C2orf66: variants seen among roughly 807,000 people sequenced by gnomAD.
The protein encoded by C2orf66 is uncharacterized protein C2orf66.
C2orf66 carries 6 observed loss-of-function variants against 7.0 expected under a neutral mutation model. The ratio of observed to expected loss-of-function variants is 0.86; its 90% CI spans 0.47 to 1.69. The LOEUF (loss-of-function observed/expected upper bound fraction) is 1.69, where lower values mean the gene tolerates loss of function less well. C2orf66 is among the 40% of genes most tolerant of loss of function. The pLI, the probability that C2orf66 is intolerant of heterozygous loss-of-function variation, is 0.01. For synonymous variants in C2orf66, 38 were observed against 43.8 expected, an observed-to-expected ratio of 0.87 and a Z score of 0.52; for missense variants, 107 against 112.0, an observed-to-expected ratio of 0.96 and a Z score of 0.20.
At chr2:196,821,168 G>A in the C2orf66 span, among the ~76,000 whole-genome samples, 1 of 152,326 alleles carries the variant, frequency 6.6e-6, no homozygotes, top group African/African-American at 2.4e-5. Flanking sequence ...GCCAACAGAA[G>A]CTGGAAGAGG....
the C2orf66 span, among the ~76,000 whole-genome samples, chr2:196,817,197 G>A: frequency 1.3e-5 from 2 of 150,614 alleles, no homozygotes; most frequent in Non-Finnish European, 3.0e-5. Flanking sequence ...ACTGACAAGG[G>A]TCTATGTTCA....
chr2:196,819,820 T>A, the C2orf66 span, among the ~76,000 whole-genome samples: 5 of 152,244 alleles, frequency 3.3e-5, no homozygotes, highest in Non-Finnish European at 7.3e-5. Flanking sequence ...CTATTTTGTA[T>A]CATTCACCAG....
chr2:196,813,998 G>A (rs1018542385), upstream of C2orf66, among the ~76,000 whole-genome samples: 7 of 152,206 alleles, frequency 4.6e-5, no homozygotes, highest in African/African-American at 1.4e-4. Context: ...TTCAACCATT[G>A]TGGCAGACAG....
At chr2:196,825,534 A>T in the C2orf66 span, among the ~76,000 whole-genome samples, 3 of 152,214 alleles carry the variant, frequency 2.0e-5, no homozygotes, top group Non-Finnish European at 1.5e-5. Context: ...TACATATATC[A>T]AAACATCATG....
chr2:196,830,735 G>A, the C2orf66 span, among the ~76,000 whole-genome samples: 1 of 152,152 alleles, frequency 6.6e-6, no homozygotes, highest in Non-Finnish European at 1.5e-5. Context: ...ATTTGGATAA[G>A]GATTTAAAGG....
upstream of C2orf66, among the ~76,000 whole-genome samples, chr2:196,812,575 C>T (rs553010551): frequency 2.0e-5 from 3 of 152,284 alleles, no homozygotes; most frequent in African/African-American, 7.2e-5. Flanking sequence ...ATTGGAAGTT[C>T]TGGCCAGGAC....
the C2orf66 span, among the ~76,000 whole-genome samples, chr2:196,829,189 G>A: frequency 2.4e-4 from 37 of 152,128 alleles, no homozygotes; most frequent in South Asian, 7.3e-3. Context: ...GAAGGCCCAC[G>A]AGGTTTCCAT....
the C2orf66 span, among the ~76,000 whole-genome samples, chr2:196,823,209 G>C: frequency 1.3e-5 from 2 of 152,180 alleles, no homozygotes; most frequent in African/African-American, 4.8e-5. Flanking sequence ...CAACTACGTA[G>C]ATGTAGTAGG....
Position 196,807,579 on chromosome 2 carries a change from T to G in C2orf66, c.167A>C (p.Asp56Ala). ...GAAAGGATTTGGAAATGTTCCAAGATCAAGACCTCTGCCCTTAAAATATGC... is the reference window on the plus strand; with the variant it reads ...GAAAGGATTTGGAAATGTTCCAAGAGCAAGACCTCTGCCCTTAAAATATGC... The part of the protein sequence containing the change: ...LQAYFKGRGL[D>A]LGTFPNPFPT... The change falls in exon 2 of 3, where the codon GAT becomes GCT. Residue 56 changes from aspartate (D) to alanine (A), a missense_variant. Asp to Ala is a moderately radical substitution (Grantham distance 126). Coordinates refer to ENST00000342506, the MANE Select transcript of C2orf66 (RefSeq NM_213608.3). 1 of 1,613,692 alleles carries G rather than the reference T, an allele frequency of 6.2e-7. No individual in the cohort carries two copies. Among genetic ancestry groups the G allele is most frequent in the Non-Finnish European group, 8.5e-7 (1 of 1,179,886 alleles).
chr2:196,816,587 C>T, the C2orf66 span, among the ~76,000 whole-genome samples: 12 of 152,108 alleles, frequency 7.9e-5, no homozygotes, highest in Admixed American at 2.0e-4. Context: ...AACTAACTGC[C>T]GGGTACTGTG....
chr2:196,809,404 G>A (rs1024766955), upstream of C2orf66: 9 of 1,595,262 alleles, frequency 5.6e-6, no homozygotes, highest in East Asian at 2.2e-5. Context: ...AGATAGTCAG[G>A]GAAGAGAGAG....
At chr2:196,828,578 G>T in the C2orf66 span, among the ~76,000 whole-genome samples, 3 of 152,110 alleles carry the variant, frequency 2.0e-5, no homozygotes, top group Non-Finnish European at 4.4e-5. Flanking sequence ...TAATACAAAT[G>T]ATTTTGCAGA....
the C2orf66 span, among the ~76,000 whole-genome samples, chr2:196,828,362 T>G: frequency 2.6e-5 from 4 of 152,024 alleles, no homozygotes; most frequent in African/African-American, 4.8e-5. Context: ...ACTGAAACAT[T>G]TTATGTTTAA....
chr2:196,822,405 T>C, the C2orf66 span, among the ~76,000 whole-genome samples: 1 of 152,206 alleles, frequency 6.6e-6, no homozygotes, highest in African/African-American at 2.4e-5. Context: ...CAAAAGTGCA[T>C]TCTGTAAGTC....
At chr2:196,808,848 A>G (rs1293463361) in intron 1 of C2orf66, among the ~76,000 whole-genome samples, 1 of 152,208 alleles carries the variant, frequency 6.6e-6, no homozygotes, top group East Asian at 1.9e-4. Context: ...TTTTATCATC[A>G]GTTCAATCTA....
chr2:196,830,141 C>G, the C2orf66 span, among the ~76,000 whole-genome samples: 2 of 152,118 alleles, frequency 1.3e-5, no homozygotes. Flanking sequence ...CTTTGTAATG[C>G]TCAGGACAGC....
chr2:196,805,875 A>T (rs1699814447), intron 2 of C2orf66, among the ~76,000 whole-genome samples: 1 of 152,160 alleles, frequency 6.6e-6, no homozygotes, highest in Admixed American at 6.5e-5. Context: ...TCAAGAGAAA[A>T]CTTCATTAAC....
the C2orf66 span, among the ~76,000 whole-genome samples, chr2:196,828,820 A>G: frequency 1.3e-5 from 2 of 152,196 alleles, no homozygotes; most frequent in African/African-American, 2.4e-5. Context: ...GTTGACAGCC[A>G]GAAAACAGGG....
chr2:196,812,967 G>T (rs1439162617), upstream of C2orf66, among the ~76,000 whole-genome samples: 3 of 152,162 alleles, frequency 2.0e-5, no homozygotes, highest in Non-Finnish European at 4.4e-5. Flanking sequence ...CATGCTCATG[G>T]ATAGGAAGAA....
Sources: allele counts gnomAD v4.1 joint callset (sites outside exome capture counted in the v4.1 genomes callset), GRCh38; gene constraint gnomAD v4.1.1; transcripts MANE v1.5; gene names NCBI Gene and HGNC (gene_info 2026-07-23, HGNC 2026-07-21).